Variants in CCDC6 observed in about 807,000 individuals in gnomAD.
CCDC6 encodes the protein coiled-coil domain containing 6.
CCDC6 carries 20 observed loss-of-function variants against 56.6 expected under a neutral mutation model. That is an observed-to-expected ratio of 0.35 (90% CI 0.25 to 0.51). The LOEUF is 0.51. Ranked by LOEUF, CCDC6 falls within the 20% of genes least tolerant of loss-of-function variation. The pLI, the probability that CCDC6 is intolerant of heterozygous loss-of-function variation, is 0.95. For missense variants in CCDC6, 367 were observed against 601.1 expected, an observed-to-expected ratio of 0.61 and a Z score of 4.07; for synonymous variants, 241 against 234.4, an observed-to-expected ratio of 1.03 and a Z score of -0.26.
At chr10:59,895,879 C>T (rs1417563972) in intron 1 of CCDC6, among the ~76,000 whole-genome samples, 1 of 152,202 alleles carries the variant, frequency 6.6e-6, no homozygotes, top group Non-Finnish European at 1.5e-5. Context: ...ACAGCCTACT[C>T]AGGGCCTGGA....
chr10:59,848,186 C>G (rs1422281071), intron 2 of CCDC6, among the ~76,000 whole-genome samples: 2 of 152,164 alleles, frequency 1.3e-5, no homozygotes, highest in African/African-American at 2.4e-5. Flanking sequence ...ACCTATGACC[C>G]TAAACTGGAA....
intron 2 of CCDC6, among the ~76,000 whole-genome samples, chr10:59,841,809 G>C (rs1399997264): frequency 6.7e-6 from 1 of 149,744 alleles, no homozygotes; most frequent in Non-Finnish European, 1.5e-5. Context: ...CTGGGACTAC[G>C]GGCGCCTACA....
At chr10:59,814,132 C>T (rs1435034112) in intron 4 of CCDC6, among the ~76,000 whole-genome samples, 2 of 152,296 alleles carry the variant, frequency 1.3e-5, no homozygotes, top group Non-Finnish European at 1.5e-5. Context: ...TGTTGAGTGA[C>T]ATTCCACTTC....
chr10:59,895,755 C>T (rs774818063), intron 1 of CCDC6, among the ~76,000 whole-genome samples: 9 of 152,188 alleles, frequency 5.9e-5, no homozygotes, highest in Non-Finnish European at 1.2e-4. Context: ...ATTTCTAACC[C>T]TTTCGAAGGT....
In CCDC6 at chr10:59,845,815, T is replaced by C. The variant is rs10994050; in HGVS notation, c.453+6738A>G. On this transcript the variant is annotated intron_variant, in intron 2 of 8. Transcript: ENST00000263102. ...GGCCACAGATCTAGTCATCTAAATA[T>C]AAAGGACATACTTCATTTAGATCTC... Among the ~76,000 whole-genome samples, 898 of 152,348 alleles carry C rather than the reference T, an allele frequency of 5.9e-3. 10 individuals are homozygous for C. Among genetic ancestry groups the C allele is most frequent in the East Asian group, 0.033 (171 of 5,192 alleles).
intron 3 of CCDC6, among the ~76,000 whole-genome samples, chr10:59,817,807 T>C (rs1406433883): frequency 6.6e-6 from 1 of 152,176 alleles, no homozygotes; most frequent in African/African-American, 2.4e-5. Context: ...ATGAGAAGTT[T>C]GGCCTGGATG....
Position 59,791,654 on chromosome 10 carries a change from G to T in CCDC6, c.*1263C>A, listed in dbSNP as rs564831950. Reference sequence around the variant, plus strand: ...AGCATATATAAATATGCAAACACAGGTGGTAAAAATCACTTTACTACCAAA... The same window carrying T: ...AGCATATATAAATATGCAAACACAGTTGGTAAAAATCACTTTACTACCAAA... On this transcript the variant is annotated 3_prime_UTR_variant, in exon 9 of 9. Coordinates refer to ENST00000263102, the MANE Select transcript of CCDC6 (RefSeq NM_005436.5). 9.6e-6 allele frequency: 2 copies of T among 208,054 alleles called. No individual in the cohort carries two copies. The highest frequency in any genetic ancestry group is 2.0e-5 in the Non-Finnish European group (2 of 101,948). 12.9% of individuals were successfully genotyped at this position (208,054 alleles called of 1,614,324 possible).
At chr10:59,849,235 C>T (rs2071018435) in intron 2 of CCDC6, among the ~76,000 whole-genome samples, 1 of 152,272 alleles carries the variant, frequency 6.6e-6, no homozygotes, top group Middle Eastern at 3.4e-3. Context: ...AAGATGTAGA[C>T]TTCTCAGTCA....
rs1376970679 is a variant in CCDC6 at position 59,789,904 on chromosome 10, G to A, written c.*3013C>T. 9.2e-6 allele frequency: 2 copies of A among 216,410 alleles called. No homozygotes were observed. The highest frequency in any genetic ancestry group is 1.9e-5 in the Non-Finnish European group (2 of 107,382). 13.4% of individuals were successfully genotyped at this position (216,410 alleles called of 1,614,324 possible). A position where few individuals can be genotyped will look rare whatever the true frequency, so the allele number is the denominator to read the frequency against. On this transcript the variant is annotated 3_prime_UTR_variant, in exon 9 of 9. Transcript: ENST00000263102. ...TATCAATTATTTCTGGTTGAATTCT[G>A]TTAGAAGCCAATTACAAAGGGACAG... is the stretch of plus-strand genomic sequence containing the variant.
intron 2 of CCDC6, among the ~76,000 whole-genome samples, chr10:59,844,758 A>AG (rs1477179490): frequency 4.4e-5 from 5 of 114,490 alleles, no homozygotes; most frequent in East Asian, 2.0e-4. Flanking sequence ...AAAAAAAAAA[A>AG]AAAAAGAGAG....
intron 3 of CCDC6, among the ~76,000 whole-genome samples, chr10:59,822,899 T>TA (rs35908853): frequency 0.34 from 50,759 of 147,620 alleles, 8,962 homozygotes; most frequent in African/African-American, 0.39. Flanking sequence ...CCTATGCTTA[T>TA]AAAAAAAAAA....
Position 59,901,894 on chromosome 10 carries a change from T to C in CCDC6, c.303+4228A>G, listed in dbSNP as rs191654824. Among the ~76,000 whole-genome samples, 7 of 152,170 alleles carry C rather than the reference T, an allele frequency of 4.6e-5. No individual in the cohort carries two copies. The East Asian group carries it at 1.2e-3, about 25-fold the overall frequency. On this transcript the variant is annotated intron_variant, in intron 1 of 8. Transcript: ENST00000263102. ...ACAAACCAACAGATCTGGCCTAACA[T>C]ACAAAAGCTACTCAAAAAGGTGACT...
In CCDC6 at chr10:59,862,501, G is replaced by GTATATA. The variant is rs146237484; in HGVS notation, c.304-9805_304-9800dup. 1.9e-3 allele frequency among the ~76,000 whole-genome samples: 160 copies of GTATATA among 85,020 alleles called. 4 individuals carry two copies. The highest frequency in any genetic ancestry group is 6.1e-3 in the African/African-American group (102 of 16,658). 55.8% of individuals were successfully genotyped at this position (85,020 alleles called of 152,430 possible). ...AGGTTCTGTCTCAAGAAAAAAAAAA[G>GTATATA]TATATATATATATATACACACACAC... On this transcript the variant is annotated intron_variant, in intron 1 of 8. Transcript: ENST00000263102.
chr10:59,840,444 A>T (rs1267612643), intron 2 of CCDC6, among the ~76,000 whole-genome samples: 1 of 152,112 alleles, frequency 6.6e-6, no homozygotes, highest in East Asian at 1.9e-4. Context: ...TCTGTGGTTC[A>T]TCCTTGCGTT....
chr10:59,883,928 A>C (rs2071364610), intron 1 of CCDC6, among the ~76,000 whole-genome samples: 1 of 152,206 alleles, frequency 6.6e-6, no homozygotes, highest in African/African-American at 2.4e-5. Context: ...CAAATTTCCC[A>C]ACATTTTCTA....
Position 59,792,700 on chromosome 10 carries a change from G to A in CCDC6, c.*217C>T, listed in dbSNP as rs1427736862. 5.3e-6 allele frequency: 4 copies of A among 760,800 alleles called. No homozygotes were observed. Among genetic ancestry groups the A allele is most frequent in the Non-Finnish European group, 9.6e-6 (4 of 415,984 alleles). The allele number at this position is 760,800 out of a possible 1,614,324, so 47.1% of individuals were successfully genotyped here. ...GGAATGGACGTACATGAAGATTCAA[G>A]TAAAACACTGATGGAAAAAGTCGTC... On this transcript the variant is annotated 3_prime_UTR_variant, in exon 9 of 9. Coordinates refer to ENST00000263102, the MANE Select transcript of CCDC6 (RefSeq NM_005436.5).
intron 2 of CCDC6, among the ~76,000 whole-genome samples, chr10:59,843,298 G>A (rs1237618584): frequency 2.6e-5 from 4 of 152,164 alleles, no homozygotes; most frequent in African/African-American, 4.8e-5. Flanking sequence ...TTTCTTTACG[G>A]GACAGAAGAC....
At chr10:59,888,543 G>A (rs1160712607) in intron 1 of CCDC6, among the ~76,000 whole-genome samples, 2 of 152,238 alleles carry the variant, frequency 1.3e-5, no homozygotes, top group Non-Finnish European at 1.5e-5. Context: ...CTTTAGGGAG[G>A]AAGGTTAGAG....
At chr10:59,857,556 A>C (rs2071090004) in intron 1 of CCDC6, among the ~76,000 whole-genome samples, 1 of 152,358 alleles carries the variant, frequency 6.6e-6, no homozygotes, top group Non-Finnish European at 1.5e-5. Flanking sequence ...TAATCTATTA[A>C]GCATAAGAAA....
Sources: allele counts gnomAD v4.1 joint callset (sites outside exome capture counted in the v4.1 genomes callset), GRCh38; gene constraint gnomAD v4.1.1; transcripts MANE v1.5; gene names NCBI Gene and HGNC (gene_info 2026-07-23, HGNC 2026-07-21).